NLGN1: variants seen among roughly 807,000 people sequenced by gnomAD.
The protein encoded by NLGN1 is neuroligin-1.
NLGN1 carries 12 observed loss-of-function variants against 65.5 expected under a neutral mutation model. That is an observed-to-expected ratio of 0.18 (90% confidence interval 0.12 to 0.30). NLGN1 has a LOEUF of 0.30. NLGN1 is among the 10% of genes least tolerant of loss of function. The probability of loss-of-function intolerance (pLI) is 1.00; values close to 1 mark genes in which losing one functional copy is unlikely to be tolerated. For synonymous variants in NLGN1, 350 were observed against 359.5 expected, an observed-to-expected ratio of 0.97 and a Z score of 0.30; for missense variants, 750 against 1,007.1, an observed-to-expected ratio of 0.74 and a Z score of 3.46.
chr3:174,218,207 A>G (rs1737986097), intron 4 of NLGN1, among the ~76,000 whole-genome samples: 1 of 152,100 alleles, frequency 6.6e-6, no homozygotes, highest in South Asian at 2.1e-4. Flanking sequence ...TTACTAAGAA[A>G]ACTATGACTA....
At chr3:173,933,855 A>T (rs568348627) in intron 4 of NLGN1, among the ~76,000 whole-genome samples, 16 of 152,140 alleles carry the variant, frequency 1.1e-4, no homozygotes, top group Middle Eastern at 6.8e-3. Context: ...TCAACCTCAA[A>T]GGTTCAGTTT....
At chr3:173,580,342 T>G (rs1283716634) in intron 2 of NLGN1, among the ~76,000 whole-genome samples, 2 of 152,130 alleles carry the variant, frequency 1.3e-5, no homozygotes, top group African/African-American at 4.8e-5. Context: ...CACGGTTAAA[T>G]TGGAATGCCC....
intron 4 of NLGN1, among the ~76,000 whole-genome samples, chr3:173,932,230 T>C (rs1226154480): frequency 6.6e-6 from 1 of 152,118 alleles, no homozygotes; most frequent in African/African-American, 2.4e-5. Context: ...GTTTCCACTG[T>C]GATCAAGTTA....
intron 4 of NLGN1, among the ~76,000 whole-genome samples, chr3:174,129,399 A>T (rs1430897987): frequency 1.4e-5 from 2 of 140,456 alleles, no homozygotes; most frequent in African/African-American, 2.8e-5. Context: ...ACACACACAC[A>T]CTCATTCATT....
chr3:173,926,239 AACTCTTAAGG>A (rs1416732808), intron 4 of NLGN1, among the ~76,000 whole-genome samples: 4 of 152,284 alleles, frequency 2.6e-5, no homozygotes, highest in African/African-American at 9.6e-5. Flanking sequence ...AATTTAAAAT[AACTCTTAAGG>A]ACTATTAAAA....
intron 3 of NLGN1, among the ~76,000 whole-genome samples, chr3:173,683,352 T>C (rs923626886): frequency 6.6e-6 from 1 of 152,132 alleles, no homozygotes; most frequent in East Asian, 1.9e-4. Flanking sequence ...ACACTGCTTT[T>C]AGTGAGTGCT....
chr3:173,406,716 G>A (rs1000161153), intron 1 of NLGN1, among the ~76,000 whole-genome samples: 1 of 151,750 alleles, frequency 6.6e-6, no homozygotes, highest in Admixed American at 6.6e-5. Flanking sequence ...TCCCTGTATT[G>A]TATTTGAAAA....
chr3:173,856,139 C>A (rs1254658385), intron 4 of NLGN1, among the ~76,000 whole-genome samples: 1 of 152,118 alleles, frequency 6.6e-6, no homozygotes, highest in Non-Finnish European at 1.5e-5. Context: ...AAGTGTACAG[C>A]TTCTTCTTTA....
intron 4 of NLGN1, among the ~76,000 whole-genome samples, chr3:174,211,017 G>T (rs1275445284): frequency 6.6e-6 from 1 of 152,114 alleles, no homozygotes; most frequent in African/African-American, 2.4e-5. Context: ...TGGCGCGTCT[G>T]GAGTCTGTCC....
intron 4 of NLGN1, among the ~76,000 whole-genome samples, chr3:173,927,960 G>T (rs115459749): frequency 1.3e-5 from 2 of 152,246 alleles, no homozygotes; most frequent in East Asian, 3.9e-4. Context: ...TGCTTTTTAT[G>T]TAGGAATTGT....
At chr3:174,263,312 G>T (rs1200640399) in intron 4 of NLGN1, among the ~76,000 whole-genome samples, 1 of 144,402 alleles carries the variant, frequency 6.9e-6, no homozygotes, top group African/African-American at 2.6e-5. Flanking sequence ...TAATGTGTGG[G>T]AGTCTAAGTC....
intron 4 of NLGN1, among the ~76,000 whole-genome samples, chr3:174,106,759 TG>T (rs1164721721): frequency 6.6e-6 from 1 of 151,836 alleles, no homozygotes; most frequent in African/African-American, 2.4e-5. Context: ...AGAGAGCCAG[TG>T]GTATAATGCA....
chr3:174,048,929 T>C (rs754001935), intron 4 of NLGN1, among the ~76,000 whole-genome samples: 2 of 151,998 alleles, frequency 1.3e-5, no homozygotes, highest in South Asian at 4.1e-4. Context: ...AACAAAGTGC[T>C]GTAAATAAAA....
chr3:173,796,350 G>A (rs1471149423), intron 3 of NLGN1, among the ~76,000 whole-genome samples: 4 of 151,986 alleles, frequency 2.6e-5, no homozygotes, highest in Non-Finnish European at 4.4e-5. Flanking sequence ...GGCTCTGGTC[G>A]GATTCTGAAA....
intron 3 of NLGN1, among the ~76,000 whole-genome samples, chr3:173,620,420 A>C (rs532256440): frequency 6.6e-6 from 1 of 152,226 alleles, no homozygotes; most frequent in African/African-American, 2.4e-5. Context: ...TGATGTCCTT[A>C]CTTCCCCTAA....
chr3:173,690,846 T>C (rs1261018043), intron 3 of NLGN1, among the ~76,000 whole-genome samples: 2 of 152,248 alleles, frequency 1.3e-5, no homozygotes, highest in African/African-American at 2.4e-5. Context: ...CAAGTGTGGT[T>C]AGGGAAAGAA....
intron 4 of NLGN1, among the ~76,000 whole-genome samples, chr3:173,898,447 A>T (rs1425768277): frequency 6.6e-6 from 1 of 152,214 alleles, no homozygotes; most frequent in Admixed American, 6.5e-5. Flanking sequence ...GTTGCTAGAA[A>T]TAGACCATGT....
chr3:174,205,586 A>G (rs1735247572), intron 4 of NLGN1, among the ~76,000 whole-genome samples: 1 of 152,134 alleles, frequency 6.6e-6, no homozygotes, highest in Non-Finnish European at 1.5e-5. Flanking sequence ...TTTTGTATAT[A>G]TTTTTAAATT....
chr3:173,807,934 T>G, intron 4 of NLGN1, 102 bp downstream of exon 4: 1 of 1,218,122 alleles, frequency 8.2e-7, no homozygotes, highest in Non-Finnish European at 1.2e-6. Flanking sequence ...CACCCATTTT[T>G]TTATGCGTGT....
Sources: allele counts gnomAD v4.1 joint callset (sites outside exome capture counted in the v4.1 genomes callset), GRCh38; gene constraint gnomAD v4.1.1; transcripts MANE v1.5; gene names NCBI Gene and HGNC (gene_info 2026-07-23, HGNC 2026-07-21).